Variants in ZAP70 observed in about 807,000 individuals in gnomAD.
ZAP70 encodes the protein tyrosine-protein kinase ZAP-70.
A neutral mutation model predicts 65.8 loss-of-function variants in ZAP70; 27 were observed. That is an observed-to-expected ratio of 0.41 (90% CI 0.30 to 0.57). The LOEUF (loss-of-function observed/expected upper bound fraction) is 0.57. ZAP70 is among the 20% of genes least tolerant of loss of function. The pLI is 0.28. For synonymous variants in ZAP70, 363 were observed against 360.8 expected, an observed-to-expected ratio of 1.01 and a Z score of -0.07; for missense variants, 696 against 870.5, an observed-to-expected ratio of 0.80 and a Z score of 2.52.
At position 97,736,259 on chromosome 2, in the gene ZAP70, G is replaced by A. The variant is rs1161640005; in HGVS notation, c.1289+803G>A. Among the ~76,000 whole-genome samples, 2 of 151,802 alleles carry A rather than the reference G, an allele frequency of 1.3e-5. No homozygotes were observed. Among genetic ancestry groups the A allele is most frequent in the Non-Finnish European group, 2.9e-5 (2 of 67,998 alleles). Reference sequence around the variant, plus strand: ...GTAAAGGCTAAAATCCTTACTATCCGGCCCTTTACTGAAAAGTTTTGCAGT... The same window carrying A: ...GTAAAGGCTAAAATCCTTACTATCCAGCCCTTTACTGAAAAGTTTTGCAGT... On this transcript the variant is annotated intron_variant, in intron 10 of 13. Transcript: ENST00000264972. This position sits in a 1 kb window ranked among gnomAD's most constrained non-coding sequence, Gnocchi z 4.0.
At chr2:97,733,718 T>A (rs1677720134) in intron 8 of ZAP70, 123 bp downstream of exon 8, 4 of 1,215,766 alleles carry the variant, frequency 3.3e-6, no homozygotes, top group Non-Finnish European at 4.8e-6. Flanking sequence ...GCAGTTGGCT[T>A]GGTTAACACC....
the ZAP70 span, among the ~76,000 whole-genome samples, chr2:97,751,973 G>A: frequency 3.9e-5 from 6 of 152,190 alleles, no homozygotes; most frequent in Admixed American, 2.0e-4. Context: ...ATTTCAACAA[G>A]AGACTCAGCA....
chr2:97,756,116 C>CCAAA, the ZAP70 span, among the ~76,000 whole-genome samples: 34 of 152,264 alleles, frequency 2.2e-4, no homozygotes, highest in African/African-American at 6.3e-4. Context: ...CTGGATGAAT[C>CCAAA]CAAACAGGCT....
Position 97,736,686 on chromosome 2 carries a change from C to T in ZAP70, c.1290-787C>T, listed in dbSNP as rs556962258. 1.3e-5 allele frequency among the ~76,000 whole-genome samples: 2 copies of T among 152,246 alleles called. No homozygotes were observed. The highest frequency in any genetic ancestry group is 2.1e-4 in the South Asian group (1 of 4,820). ...GAGGTTTGAACAAACTGAGGGAGGC[C>T]GCCATGCCCAGACGTGGGGAAGGGC... On this transcript the variant is annotated intron_variant, in intron 10 of 13. Transcript: ENST00000264972. This position sits in a 1 kb window ranked among gnomAD's most constrained non-coding sequence, Gnocchi z 4.0.
Position 97,724,373 on chromosome 2 carries a change from G to T in ZAP70, c.337G>T (p.Gly113Trp). 2.6e-6 allele frequency: 4 copies of T among 1,545,178 alleles called. No homozygotes were observed. Among genetic ancestry groups the T allele is most frequent in the Non-Finnish European group, 3.5e-6 (4 of 1,145,566 alleles). ...NRPSGLEPQP[G>W]VFDCLRDAMV... The stretch of plus-strand genomic sequence containing the variant: ...GCCGTCGGGCCTCGAGCCGCAGCCG[G>T]GGGTCTTCGACTGCCTGCGAGACGC... The change falls in exon 3 of 14, where the codon GGG becomes TGG. Residue 113 changes from glycine to tryptophan, a missense_variant. Gly to Trp is a radical substitution (Grantham distance 184). This residue lies in a region of ZAP70 where 551 missense variants were observed against 630.0 expected (regional missense o/e 0.87). Transcript: ENST00000264972.
In ZAP70 at chr2:97,734,530, G is replaced by A. The variant is rs199705818; in HGVS notation, c.900G>A (p.Thr300=). The A allele has an allele frequency of 3.7e-6, 6 of 1,613,812 alleles. No individual in the cohort carries two copies. The highest frequency in any genetic ancestry group is 1.3e-5 in the African/African-American group (1 of 75,050). ...DGYTPEPARI[T]SPDKPRPMPM... ...GCTGTGTGTGCCCAGCACGCATAAC[G>A]TCCCCAGACAAACCGCGGCCGATGC... The change falls in exon 9 of 14, where the codon ACG becomes ACA. Residue 300 remains threonine (T), a synonymous_variant. Transcript: ENST00000264972.
rs1029536509 is a variant in ZAP70 at position 97,715,570 on chromosome 2, C to G, written c.-22+1576C>G. On this transcript the variant is annotated intron_variant, in intron 2 of 13. Coordinates refer to ENST00000264972, the MANE Select transcript of ZAP70 (RefSeq NM_001079.4). This position sits in a 1 kb window ranked among gnomAD's most constrained non-coding sequence, Gnocchi z 4.1. ...AATCAACAGACACTTGGAGAGTGTG[C>G]TGGGTTGGGGAATCTGACCCTGACC... Among the ~76,000 whole-genome samples, 5 of 152,284 alleles carry G rather than the reference C, an allele frequency of 3.3e-5. No homozygotes were observed. Among genetic ancestry groups the G allele is most frequent in the African/African-American group, 9.6e-5 (4 of 41,556 alleles).
chr2:97,717,966 G>A (rs973763244), intron 2 of ZAP70, among the ~76,000 whole-genome samples: 2 of 152,186 alleles, frequency 1.3e-5, no homozygotes, highest in Non-Finnish European at 2.9e-5. Flanking sequence ...CTGCTCTGCT[G>A]TGATCTCTGT....
rs776066014 is a variant in ZAP70, at chr2:97,735,291, C to T, written c.1124C>T (p.Thr375Met). ...GCCATCAAGGTGCTGAAGCAGGGCA[C>T]GGAGAAGGCAGACACGGAAGAGATG... Reference protein sequence around the residue: ...DVAIKVLKQGTEKADTEEMMR... With the variant: ...DVAIKVLKQGMEKADTEEMMR... The change falls in exon 10 of 14, where the codon ACG (threonine) becomes ATG (methionine). Residue 375 changes from threonine (T) to methionine (M), a missense_variant. Thr to Met is a moderately conservative substitution (Grantham distance 81). This residue lies in a region of ZAP70 where 551 missense variants were observed against 630.0 expected (regional missense o/e 0.87). Transcript: ENST00000264972. 2.5e-6 allele frequency: 4 copies of T among 1,613,950 alleles called. No individual in the cohort carries two copies. The highest frequency in any genetic ancestry group is 1.1e-5 in the South Asian group (1 of 91,094).
the ZAP70 span, among the ~76,000 whole-genome samples, chr2:97,748,791 A>T: frequency 6.6e-6 from 1 of 152,138 alleles, no homozygotes; most frequent in Non-Finnish European, 1.5e-5. Flanking sequence ...TAAAACGTAC[A>T]GCACCGTAGC....
chr2:97,723,025 A>G (rs1677220831), intron 2 of ZAP70, among the ~76,000 whole-genome samples: 1 of 152,256 alleles, frequency 6.6e-6, no homozygotes, highest in Admixed American at 6.5e-5. Context: ...GCATAACCCA[A>G]GCCCTGTGAA....
chr2:97,721,216 T>C (rs1424377289), intron 2 of ZAP70, among the ~76,000 whole-genome samples: 1 of 152,222 alleles, frequency 6.6e-6, no homozygotes, highest in African/African-American at 2.4e-5. Context: ...CTTTATCACA[T>C]ACAGTTGATC....
At chr2:97,727,737 C>G (rs990006470) in intron 4 of ZAP70, among the ~76,000 whole-genome samples, 14 of 152,092 alleles carry the variant, frequency 9.2e-5, no homozygotes, top group African/African-American at 3.4e-4. Flanking sequence ...CTCTGTTTTC[C>G]CCCTACATCC....
intron 2 of ZAP70, among the ~76,000 whole-genome samples, chr2:97,717,907 A>G (rs765191596): frequency 5.9e-5 from 9 of 152,048 alleles, no homozygotes; most frequent in Non-Finnish European, 1.2e-4. Context: ...GCTTCCTCCC[A>G]TCATCCTCCC....
At position 97,715,594 on chromosome 2, in the gene ZAP70, C is replaced by G. The variant is rs1676875319; in HGVS notation, c.-22+1600C>G. Among the ~76,000 whole-genome samples, 2 of 152,186 alleles carry G rather than the reference C, an allele frequency of 1.3e-5. No individual in the cohort carries two copies. The highest frequency in any genetic ancestry group is 6.5e-5 in the Admixed American group (1 of 15,284). ...GCTGGGTTGGGGAATCTGACCCTGA[C>G]CCCGCACCAGCCCAGCTCTCCAGGG... On this transcript the variant is annotated intron_variant, in intron 2 of 13. Coordinates refer to ENST00000264972, the MANE Select transcript of ZAP70 (RefSeq NM_001079.4). The surrounding 1 kb of genome is among the most constrained non-coding windows in gnomAD (Gnocchi z 4.1).
In ZAP70 at chr2:97,716,071, G is replaced by A. The variant is rs1484255778; in HGVS notation, c.-22+2077G>A. ...CTGACCCAGGCTGGGGAGGGGGCAGGGCTCATGGAATGCTTCTGGGAGGAT... is the reference window on the plus strand; with the variant it reads ...CTGACCCAGGCTGGGGAGGGGGCAGAGCTCATGGAATGCTTCTGGGAGGAT... On this transcript the variant is annotated intron_variant, in intron 2 of 13. Coordinates refer to ENST00000264972, the MANE Select transcript of ZAP70 (RefSeq NM_001079.4). 2.0e-5 allele frequency among the ~76,000 whole-genome samples: 3 copies of A among 152,166 alleles called. No individual in the cohort carries two copies. In the East Asian group the frequency reaches 5.8e-4, roughly 29 times the overall value.
chr2:97,741,289 C>T (rs1191471908), downstream of ZAP70, among the ~76,000 whole-genome samples: 3 of 152,328 alleles, frequency 2.0e-5, no homozygotes, highest in East Asian at 3.9e-4. Flanking sequence ...TTTCTCTTGG[C>T]GGCTCTGACC....
chr2:97,735,063 G>C, intron 9 of ZAP70, 187 bp from the exon 10 acceptor site: 1 of 729,804 alleles, frequency 1.4e-6, no homozygotes, highest in African/African-American at 1.8e-5. Flanking sequence ...GAGCGATCCG[G>C]CTGTGAGCCG....
chr2:97,734,520 C>T lies in ZAP70; in HGVS notation c.890C>T (p.Ala297Val), dbSNP rs1677759313. ...GGAGTGTACCGCTGTGTGTGCCCAGCACGCATAACGTCCCCAGACAAACCG... is the reference window on the plus strand; with the variant it reads ...GGAGTGTACCGCTGTGTGTGCCCAGTACGCATAACGTCCCCAGACAAACCG... ...LNSDGYTPEP[A>V]RITSPDKPRP... Residue 297 changes from alanine (A) to valine (V), a missense_variant and splice_region_variant, in exon 9 of 14, where the codon GCA becomes GTA. This residue lies in a region of ZAP70 where 551 missense variants were observed against 630.0 expected (regional missense o/e 0.87). Transcript: ENST00000264972. 1 of 1,613,336 alleles carries T rather than the reference C, an allele frequency of 6.2e-7. No individual in the cohort carries two copies. The highest frequency in any genetic ancestry group is 1.7e-5 in the Admixed American group (1 of 59,962).
Sources: allele counts gnomAD v4.1 joint callset (sites outside exome capture counted in the v4.1 genomes callset), GRCh38; gene constraint gnomAD v4.1.1; regional missense constraint gnomAD v4.1.1; non-coding constraint Gnocchi (gnomAD v3.1); transcripts MANE v1.5; gene names NCBI Gene and HGNC (gene_info 2026-07-23, HGNC 2026-07-21).